RUNX2: variants seen among roughly 807,000 people sequenced by gnomAD.
RUNX2 encodes the protein RUNX family transcription factor 2, also known as runt-related transcription factor 2.
A neutral mutation model predicts 51.7 loss-of-function variants in RUNX2; 10 were observed. That is an observed-to-expected ratio of 0.19 (90% CI 0.12 to 0.33). The LOEUF is 0.33. Ranked by LOEUF, RUNX2 falls within the 10% of genes least tolerant of loss-of-function variation. RUNX2 has a pLI of 1.00. For synonymous variants in RUNX2, 276 were observed against 273.6 expected (o/e 1.01, Z -0.09); for missense variants, 562 against 691.3 (o/e 0.81, Z 2.10).
At chr6:45,388,153 T>C (rs1011286889) in intron 2 of RUNX2, among the ~76,000 whole-genome samples, 4 of 152,036 alleles carry the variant, frequency 2.6e-5, no homozygotes, top group Admixed American at 1.3e-4. Flanking sequence ...AATTAGACCC[T>C]AGAAAAGAGC....
At chr6:45,400,189 G>GGGAA (rs374999004) in intron 2 of RUNX2, among the ~76,000 whole-genome samples, 25,993 of 141,352 alleles carry the variant, frequency 0.18, 2,858 homozygotes, top group Non-Finnish European at 0.26. Flanking sequence ...GAGGGAATGA[G>GGGAA]GGAAGGAAGG....
At chr6:45,372,869 G>A (rs946415329) in intron 2 of RUNX2, among the ~76,000 whole-genome samples, 3 of 152,074 alleles carry the variant, frequency 2.0e-5, no homozygotes, top group Non-Finnish European at 4.4e-5. Flanking sequence ...CCAGGCTGTA[G>A]TGTAATGGCA....
At chr6:45,377,747 GC>G (rs1478717322) in intron 2 of RUNX2, 5 of 152,302 alleles carry the variant, frequency 3.3e-5, no homozygotes, top group Middle Eastern at 3.4e-3. Flanking sequence ...TCCCCGCACC[GC>G]CCCCCGCAAG....
chr6:45,536,905 G>C (rs1365398455), intron 7 of RUNX2, among the ~76,000 whole-genome samples: 1 of 152,200 alleles, frequency 6.6e-6, no homozygotes, highest in East Asian at 1.9e-4. Context: ...TGGACCTGCA[G>C]CTGGGTGTGT....
At chr6:45,497,867 G>A (rs970701815) in intron 6 of RUNX2, among the ~76,000 whole-genome samples, 1 of 152,168 alleles carries the variant, frequency 6.6e-6, no homozygotes, top group African/African-American at 2.4e-5. Flanking sequence ...CAGGAGGCGG[G>A]ACCCACTATT....
intron 5 of RUNX2, among the ~76,000 whole-genome samples, chr6:45,445,435 C>T (rs1331421209): frequency 6.6e-6 from 1 of 152,190 alleles, no homozygotes; most frequent in Non-Finnish European, 1.5e-5. Context: ...TTTGATTCTT[C>T]TGGACACAGT....
intron 8 of RUNX2, 98 bp from the exon 9 acceptor site, chr6:45,546,729 A>G: frequency 9.3e-7 from 1 of 1,078,340 alleles, no homozygotes; most frequent in South Asian, 1.3e-5. Flanking sequence ...CTTTATGGGA[A>G]AGCTAAAGTT....
chr6:45,330,648 T>C (rs983523751), intron 2 of RUNX2, among the ~76,000 whole-genome samples: 8 of 152,032 alleles, frequency 5.3e-5, no homozygotes, highest in Non-Finnish European at 1.2e-4. Context: ...CTTATACTTC[T>C]GTAACATTCT....
chr6:45,417,733 A>G (rs1798094950), intron 2 of RUNX2, among the ~76,000 whole-genome samples: 1 of 152,256 alleles, frequency 6.6e-6, no homozygotes, highest in Non-Finnish European at 1.5e-5. Context: ...AGGCAGCTAT[A>G]GATAATACAC....
chr6:45,365,193 ATACT>A (rs1462682622), intron 2 of RUNX2: 1 of 1,555,898 alleles, frequency 6.4e-7, no homozygotes, highest in African/African-American at 1.4e-5. Context: ...ATGCAGGGAC[ATACT>A]TACATCATAC....
intron 5 of RUNX2, among the ~76,000 whole-genome samples, chr6:45,491,156 TC>T (rs138808461): frequency 2.6e-5 from 4 of 151,908 alleles, no homozygotes; most frequent in East Asian, 3.9e-4. Flanking sequence ...ATAGAAAGGC[TC>T]CCCCCCTCCG....
chr6:45,423,094 G>A (rs1798269068), intron 3 of RUNX2, 137 bp downstream of exon 3: 2 of 1,086,190 alleles, frequency 1.8e-6, no homozygotes, highest in Non-Finnish European at 2.4e-6. Context: ...AGAAACCCCC[G>A]GCCGGGCCTC....
chr6:45,476,156 T>C (rs1270542803), intron 5 of RUNX2, among the ~76,000 whole-genome samples: 2 of 152,228 alleles, frequency 1.3e-5, no homozygotes, highest in African/African-American at 4.8e-5. Flanking sequence ...CATTCCACTA[T>C]ACGTTGCTCA....
chr6:45,507,989 C>G (rs1020866792), intron 6 of RUNX2, among the ~76,000 whole-genome samples: 2 of 152,008 alleles, frequency 1.3e-5, no homozygotes, highest in African/African-American at 4.8e-5. Context: ...CTTATTTACT[C>G]CCATTTTATA....
At chr6:45,545,081 A>T in intron 7 of RUNX2, 136 bp from the exon 8 acceptor site, 1 of 748,660 alleles carries the variant, frequency 1.3e-6, no homozygotes, top group South Asian at 1.5e-5. Context: ...AGACTCTGGG[A>T]AATACTAATG....
chr6:45,458,522 C>A (rs1799383866), intron 5 of RUNX2, among the ~76,000 whole-genome samples: 1 of 152,164 alleles, frequency 6.6e-6, no homozygotes, highest in Non-Finnish European at 1.5e-5. Context: ...TATTCCGTGT[C>A]ACCAATGTGT....
At chr6:45,503,575 G>T (rs1800861858) in intron 6 of RUNX2, among the ~76,000 whole-genome samples, 1 of 152,176 alleles carries the variant, frequency 6.6e-6, no homozygotes, top group Non-Finnish European at 1.5e-5. Flanking sequence ...TCACATCTCA[G>T]TGGCATTTCA....
chr6:45,356,034 A>G (rs1279113717), intron 2 of RUNX2, among the ~76,000 whole-genome samples: 3 of 152,212 alleles, frequency 2.0e-5, no homozygotes, highest in Admixed American at 1.3e-4. Context: ...AGTTGTTTTA[A>G]GACACAGAAA....
chr6:45,341,446 C>A (rs114193529), intron 2 of RUNX2, among the ~76,000 whole-genome samples: 5,204 of 152,206 alleles, frequency 0.034, 134 homozygotes, highest in Admixed American at 0.072. Context: ...AGCAAACTAA[C>A]AACTTTTAAA....
Sources: gnomAD v4.1 joint callset for allele counts (sites outside exome capture counted in the v4.1 genomes callset) on GRCh38, gnomAD v4.1.1 for gene constraint, MANE v1.5 for transcripts, NCBI Gene and HGNC (gene_info 2026-07-23, HGNC 2026-07-21) for gene names.